The following AGBL3 variants were observed in gnomAD, a reference collection of about 807,000 sequenced individuals.
The protein encoded by AGBL3 is cytosolic carboxypeptidase 3.
Under a neutral mutation model 94.5 loss-of-function variants are expected in AGBL3, and 68 were observed. The ratio of observed to expected loss-of-function variants is 0.72; its 90% CI spans 0.59 to 0.88. The LOEUF (loss-of-function observed/expected upper bound fraction) is 0.88, where lower values mean the gene tolerates loss of function less well. AGBL3 is among the 40% of genes least tolerant of loss of function. The pLI is 0.00. For synonymous variants in AGBL3, 354 were observed against 370.7 expected (o/e 0.95, Z 0.52); for missense variants, 934 against 1,103.8 (o/e 0.85, Z 2.18).
chr7:135,032,739 A>C (rs749081162), intron 5 of AGBL3, 105 bp from the exon 6 acceptor site: 3 of 1,113,718 alleles, frequency 2.7e-6, no homozygotes, highest in Admixed American at 3.7e-5. Flanking sequence ...AGTTACTTTA[A>C]AATTTACAAT....
intron 11 of AGBL3, 46 bp downstream of exon 11, chr7:135,045,957 C>T: frequency 8.2e-7 from 1 of 1,226,546 alleles, no homozygotes; most frequent in South Asian, 1.4e-5. Flanking sequence ...TGCTGTTTTA[C>T]TATGTTCTTT....
At chr7:135,016,856 TATGA>T (rs1813863349) in intron 4 of AGBL3, among the ~76,000 whole-genome samples, 192 bp from the exon 5 acceptor site, 1 of 152,164 alleles carries the variant, frequency 6.6e-6, no homozygotes, top group Admixed American at 6.5e-5. Context: ...CAGAAGAAGA[TATGA>T]ATGAAATGTC....
intron 3 of AGBL3, among the ~76,000 whole-genome samples, chr7:134,989,807 T>C (rs1218242038): frequency 6.6e-6 from 1 of 151,792 alleles, no homozygotes; most frequent in Non-Finnish European, 1.5e-5. Flanking sequence ...TACTCTGAAA[T>C]TGGAGTTAAG....
chr7:135,115,301 C>T, intron 15 of AGBL3, 79 bp from the exon 16 acceptor site: 1 of 910,854 alleles, frequency 1.1e-6, no homozygotes, highest in Non-Finnish European at 1.6e-6. Flanking sequence ...AGATAAAATC[C>T]TTGGCATATA....
intron 5 of AGBL3, among the ~76,000 whole-genome samples, chr7:135,020,460 G>A (rs540847193): frequency 6.6e-6 from 1 of 152,182 alleles, no homozygotes; most frequent in Non-Finnish European, 1.5e-5. Flanking sequence ...CACTGTTGGT[G>A]GGACTGTAAA....
At chr7:135,094,832 A>G (rs765199806) in intron 15 of AGBL3, among the ~76,000 whole-genome samples, 16 of 152,222 alleles carry the variant, frequency 1.1e-4, no homozygotes, top group Non-Finnish European at 2.2e-4. Context: ...CAGATTTTTC[A>G]TTGGTTTACC....
chr7:134,989,340 A>G (rs747802360), intron 3 of AGBL3, 30 bp downstream of exon 3: 2 of 1,470,306 alleles, frequency 1.4e-6, no homozygotes, highest in South Asian at 2.7e-5. Flanking sequence ...GTTTTTGTTT[A>G]GCATAAAACT....
chr7:135,068,309 C>A (rs573933156), intron 12 of AGBL3, among the ~76,000 whole-genome samples: 3 of 152,302 alleles, frequency 2.0e-5, no homozygotes, highest in African/African-American at 7.2e-5. Context: ...GGAAAACACT[C>A]TGCAGGATAT....
chr7:135,068,618 C>T (rs1300311731), intron 12 of AGBL3, among the ~76,000 whole-genome samples: 3 of 152,020 alleles, frequency 2.0e-5, no homozygotes, highest in Non-Finnish European at 1.5e-5. Flanking sequence ...ACCCAGAATT[C>T]CATATCCAGC....
intron 11 of AGBL3, among the ~76,000 whole-genome samples, chr7:135,050,288 G>T (rs189446998): frequency 1.2e-3 from 179 of 152,008 alleles, no homozygotes; most frequent in African/African-American, 4.1e-3. Context: ...GTTAAGGCTT[G>T]TTTTGTGGCC....
chr7:134,994,704 T>C lies in AGBL3; in HGVS notation c.310+1026T>C, dbSNP rs192042451. Among the ~76,000 whole-genome samples the C allele has an allele frequency of 1.0e-3, 159 of 152,300 alleles. 5 individuals carry two copies. Among genetic ancestry groups the C allele is most frequent in the Admixed American group, 0.01 (156 of 15,300 alleles). On this transcript the variant is annotated intron_variant, in intron 4 of 16. Transcript: ENST00000436302. The stretch of plus-strand genomic sequence containing the variant: ...TTTTCTTCATATATCATCTGGCATA[T>C]AGATAGATAGACATGGGGAGAAAGG...
chr7:135,046,152 G>C (rs1584934035), intron 11 of AGBL3, among the ~76,000 whole-genome samples: 2 of 152,050 alleles, frequency 1.3e-5, no homozygotes, highest in Non-Finnish European at 2.9e-5. Flanking sequence ...TATGAAATTG[G>C]TTTTTGTTTG....
At chr7:134,992,493 G>A (rs117640483) in intron 3 of AGBL3, among the ~76,000 whole-genome samples, 2 of 152,294 alleles carry the variant, frequency 1.3e-5, no homozygotes, top group East Asian at 1.9e-4. Context: ...CTACTACAGT[G>A]TAAGCTCATG....
intron 5 of AGBL3, among the ~76,000 whole-genome samples, chr7:135,027,837 T>G (rs368214755): frequency 1.4e-4 from 21 of 151,770 alleles, no homozygotes; most frequent in African/African-American, 4.8e-4. Flanking sequence ...TAACAAAATT[T>G]CACATGAACC....
rs1375960428 is a variant in AGBL3, at chr7:135,044,081, G to T, written c.1557G>T (p.Arg519Ser). ...AGAAGAGCAAAGAAGGAACAGGAAG[G>T]GTGGTAATGTGGAAAATGGGAATCA... ...NVQKSKEGTG[R>S]VVMWKMGIRN... The change falls in exon 9 of 17, where the codon AGG becomes AGT. Residue 519 changes from arginine (R) to serine (S), a missense_variant. Physicochemically the swap from Arg to Ser is moderately radical, Grantham distance 110. Around this residue, in one of 3 missense-constraint regions of AGBL3, gnomAD observed 441 missense variants for 518.2 expected, o/e 0.85. Coordinates refer to ENST00000436302, the MANE Select transcript of AGBL3 (RefSeq NM_178563.4). 3.9e-6 allele frequency: 6 copies of T among 1,550,650 alleles called. No individual in the cohort carries two copies. Among genetic ancestry groups the T allele is most frequent in the Non-Finnish European group, 5.2e-6 (6 of 1,146,202 alleles).
rs1209454540 is a variant in AGBL3 at position 134,993,674 on chromosome 7, T to C, written c.306T>C (p.His102=). 6.5e-7 allele frequency: 1 copy of C among 1,548,410 alleles called. No individual in the cohort carries two copies. Among genetic ancestry groups the C allele is most frequent in the East Asian group, 2.5e-5 (1 of 40,812 alleles). Residue 102 remains histidine (H), a synonymous_variant, in exon 4 of 17, where the codon CAT becomes CAC. Coordinates refer to ENST00000436302, the MANE Select transcript of AGBL3 (RefSeq NM_178563.4). ...HCEVIDEKVQ[H]IDWTPSCPEP... ...AAGTCATCGATGAAAAAGTCCAGCA[T>C]ATTGGTATGTTTTTAGCAGTTTGGG...
At chr7:135,042,965 G>A (rs959635066) in intron 8 of AGBL3, among the ~76,000 whole-genome samples, 2 of 151,990 alleles carry the variant, frequency 1.3e-5, no homozygotes, top group Admixed American at 1.3e-4. Flanking sequence ...CAATTTTATC[G>A]TATGTTACTG....
intron 8 of AGBL3, among the ~76,000 whole-genome samples, chr7:135,040,563 T>A (rs1310902208): frequency 6.9e-6 from 1 of 144,336 alleles, no homozygotes; most frequent in Non-Finnish European, 1.5e-5. Flanking sequence ...TTTAACACAA[T>A]TCAGCATCTT....
chr7:135,009,910 C>T (rs1242079652), intron 4 of AGBL3: 5 of 347,302 alleles, frequency 1.4e-5, no homozygotes, highest in Admixed American at 8.4e-5. Flanking sequence ...TCTGTCTTTT[C>T]GCAGACTTTG....
Sources: gnomAD v4.1 joint callset for allele counts (sites outside exome capture counted in the v4.1 genomes callset) on GRCh38, gnomAD v4.1.1 for gene constraint, gnomAD v4.1.1 regional missense constraint, MANE v1.5 for transcripts, NCBI Gene and HGNC (gene_info 2026-07-23, HGNC 2026-07-21) for gene names.